Variants in MESD observed in about 807,000 individuals in gnomAD.
The protein encoded by MESD is mesoderm development LRP chaperone, also known as LRP chaperone MESD.
Under a neutral mutation model 12.9 loss-of-function variants are expected in MESD, and 7 were observed. That is an observed-to-expected ratio of 0.54 (90% CI 0.31 to 1.02). The LOEUF (loss-of-function observed/expected upper bound fraction) is 1.02. MESD is among the 50% of genes least tolerant of loss of function. MESD has a pLI of 0.05. For missense variants in MESD, 342 were observed against 296.7 expected, an observed-to-expected ratio of 1.15 and a Z score of -1.12; for synonymous variants, 126 against 115.6, an observed-to-expected ratio of 1.09 and a Z score of -0.58.
chr15:80,986,824 C>G (rs1039094760), intron 1 of MESD, among the ~76,000 whole-genome samples: 5 of 152,206 alleles, frequency 3.3e-5, no homozygotes, highest in Non-Finnish European at 5.9e-5. Context: ...CCCCTTTCTG[C>G]AAATCCTCTT....
At chr15:80,989,520 T>C (rs951838758) in intron 1 of MESD, 59 bp downstream of exon 1, 94 of 1,550,914 alleles carry the variant, frequency 6.1e-5, no homozygotes, top group Non-Finnish European at 7.7e-5. Context: ...AGGTAAGGGG[T>C]CATAGGGAAC....
At chr15:80,967,641 G>C (rs1403046317) in intron 3 of MESD, among the ~76,000 whole-genome samples, 1 of 152,154 alleles carries the variant, frequency 6.6e-6, no homozygotes. Flanking sequence ...GGAAGAATGC[G>C]GGCTGGCCTG....
chr15:80,979,915 G>C (rs998824305), intron 2 of MESD, among the ~76,000 whole-genome samples: 2 of 152,336 alleles, frequency 1.3e-5, no homozygotes, highest in Admixed American at 6.5e-5. Context: ...CAATGGCTTA[G>C]AGTGGGTCAT....
chr15:80,948,990 G>C (rs1901694895), intron 4 of MESD: 11 of 1,605,498 alleles, frequency 6.9e-6, no homozygotes, highest in African/African-American at 4.0e-5. Context: ...GCAGACCAGT[G>C]GGGGATGGCT....
At chr15:80,974,132 T>A (rs1335188378), downstream of MESD, among the ~76,000 whole-genome samples, 2 of 152,176 alleles carry the variant, frequency 1.3e-5, no homozygotes, top group African/African-American at 4.8e-5. Context: ...AGAGGCTACC[T>A]GTCAAGCAGA....
downstream of MESD, among the ~76,000 whole-genome samples, chr15:80,971,609 T>C (rs750347011): frequency 1.1e-4 from 17 of 152,138 alleles, no homozygotes; most frequent in Non-Finnish European, 2.2e-4. Context: ...CTTATTCCAA[T>C]AGGAGCAATA....
chr15:80,960,467 A>G (rs1395926759), intron 3 of MESD, among the ~76,000 whole-genome samples: 1 of 152,178 alleles, frequency 6.6e-6, no homozygotes, highest in South Asian at 2.1e-4. Context: ...AAGTGGAAAG[A>G]AGGAGTACAA....
chr15:80,959,792 C>T (rs1034379444), intron 3 of MESD, among the ~76,000 whole-genome samples: 1 of 151,554 alleles, frequency 6.6e-6, no homozygotes, highest in African/African-American at 2.4e-5. Flanking sequence ...CTCATGTCCC[C>T]ATTATCTCCT....
In MESD at chr15:80,966,800, T is replaced by C. The variant is rs1195227554; in HGVS notation, c.*288+12131A>G. On this transcript the variant is annotated intron_variant, in intron 3 of 4. Transcript: ENST00000561312. ...CAGGCCCTCTTCTTCCATACCCTGC[T>C]GCCTCTCTGCTCCACAACCTTTGCA... is the stretch of plus-strand genomic sequence containing the variant. 2.6e-5 allele frequency among the ~76,000 whole-genome samples: 4 copies of C among 152,244 alleles called. No individual in the cohort carries two copies. The South Asian group carries it at 6.2e-4, about 24-fold the overall frequency.
chr15:80,973,578 C>T (rs780318372), downstream of MESD, among the ~76,000 whole-genome samples: 1 of 152,110 alleles, frequency 6.6e-6, no homozygotes, highest in Non-Finnish European at 1.5e-5. Flanking sequence ...TGAACACAAA[C>T]CCTGGGATTC....
chr15:80,956,506 C>T (rs997850811), intron 3 of MESD, among the ~76,000 whole-genome samples: 1 of 152,150 alleles, frequency 6.6e-6, no homozygotes, highest in Non-Finnish European at 1.5e-5. Flanking sequence ...CACGAGGGTG[C>T]TCTTCCAGAA....
chr15:80,979,549 G>C (rs1902518055), intron 2 of MESD, 72 bp from the exon 3 acceptor site: 1 of 1,504,076 alleles, frequency 6.6e-7, no homozygotes, highest in Admixed American at 2.2e-5. Flanking sequence ...GCAATTCTCT[G>C]GCACTTATCA....
At chr15:80,960,018 G>A (rs930297747) in intron 3 of MESD, among the ~76,000 whole-genome samples, 3 of 152,176 alleles carry the variant, frequency 2.0e-5, no homozygotes, top group African/African-American at 7.2e-5. Context: ...TTCACCAGCT[G>A]GTCCCAGCCA....
At chr15:80,953,199 T>C (rs1478111001) in intron 3 of MESD, among the ~76,000 whole-genome samples, 2 of 152,090 alleles carry the variant, frequency 1.3e-5, no homozygotes, top group Non-Finnish European at 2.9e-5. Flanking sequence ...GGGTCAGCTT[T>C]AGGGCCCACT....
At chr15:80,965,981 T>G (rs1232884894) in intron 3 of MESD, among the ~76,000 whole-genome samples, 2 of 152,076 alleles carry the variant, frequency 1.3e-5, no homozygotes, top group African/African-American at 4.8e-5. Context: ...AAAAAACAAA[T>G]TGGCTAAATT....
chr15:80,962,161 G>A (rs1902098211), intron 3 of MESD, among the ~76,000 whole-genome samples: 1 of 152,138 alleles, frequency 6.6e-6, no homozygotes, highest in South Asian at 2.1e-4. Context: ...CCAAGCAAAT[G>A]GAAAGCGAAA....
At chr15:80,963,697 T>C (rs1232634067) in intron 3 of MESD, among the ~76,000 whole-genome samples, 1 of 152,098 alleles carries the variant, frequency 6.6e-6, no homozygotes, top group Non-Finnish European at 1.5e-5. Flanking sequence ...ATAAATGTAA[T>C]CCCTCACATA....
At position 80,976,041 on chromosome 15, in the gene MESD, C is replaced by T. The variant is rs2141805107; in HGVS notation, c.*3178G>A. The T allele has an allele frequency of 6.6e-6, 1 of 152,340 alleles. No individual in the cohort carries two copies. The highest frequency in any genetic ancestry group is 2.4e-5 in the African/African-American group (1 of 41,568). The allele number at this position is 152,340 out of a possible 1,614,324, so 9.4% of individuals were successfully genotyped here. On this transcript the variant is annotated 3_prime_UTR_variant, in exon 3 of 3. Transcript: ENST00000261758. The stretch of plus-strand genomic sequence containing the variant: ...TGAGACAGAGTCTCATCCCGTCATC[C>T]AGGCTGGAGTGCAGTGGCCTGATCT...
chr15:80,949,039 CGT>C, intron 4 of MESD: 1 of 1,403,366 alleles, frequency 7.1e-7, no homozygotes, highest in South Asian at 1.2e-5. Flanking sequence ...CTGGGAAGGC[CGT>C]GTTTCAGCCC....
Sources: allele counts gnomAD v4.1 joint callset (sites outside exome capture counted in the v4.1 genomes callset), GRCh38; gene constraint gnomAD v4.1.1; transcripts MANE v1.5; gene names NCBI Gene and HGNC (gene_info 2026-07-23, HGNC 2026-07-21).